Variants in DLG2 observed in about 807,000 individuals in gnomAD.
The protein encoded by DLG2 is discs large MAGUK scaffold protein 2, also known as disks large homolog 2.
In DLG2, 45 loss-of-function variants were observed where a neutral mutation model predicts 132.5. The ratio of observed to expected loss-of-function variants is 0.34; its 90% confidence interval spans 0.27 to 0.44. The LOEUF is 0.44. Among genes scored for constraint, DLG2 ranks in the 20% least tolerant of loss-of-function variants. The pLI is 1.00. For missense variants in DLG2, 1,045 were observed against 1,196.9 expected (o/e 0.87, Z 1.87); for synonymous variants, 424 against 419.6 (o/e 1.01, Z -0.13).
chr11:85,112,186 G>A (rs1330912621), intron 5 of DLG2, among the ~76,000 whole-genome samples: 1 of 152,076 alleles, frequency 6.6e-6, no homozygotes, highest in Non-Finnish European at 1.5e-5. Context: ...GTGTTTCATA[G>A]AACTCCAGAA....
chr11:83,652,059 T>C, intron 18 of DLG2: 1 of 303,550 alleles, frequency 3.3e-6, no homozygotes, highest in Non-Finnish European at 6.7e-6. Context: ...TTATGCTCTT[T>C]TCTCAGTATA....
intron 4 of DLG2, among the ~76,000 whole-genome samples, chr11:85,275,163 A>G (rs962169000): frequency 2.0e-5 from 3 of 152,214 alleles, no homozygotes; most frequent in Non-Finnish European, 4.4e-5. Context: ...CCTCAGCCCA[A>G]CAGAACTATC....
chr11:83,760,038 A>G (rs1249439977), intron 18 of DLG2, among the ~76,000 whole-genome samples: 1 of 152,194 alleles, frequency 6.6e-6, no homozygotes, highest in Non-Finnish European at 1.5e-5. Flanking sequence ...CTTTCCCTCC[A>G]TGGGTGGCCT....
At chr11:84,699,642 A>G (rs953234128) in intron 6 of DLG2, among the ~76,000 whole-genome samples, 1 of 151,540 alleles carries the variant, frequency 6.6e-6, no homozygotes, top group East Asian at 1.9e-4. Flanking sequence ...AAAGTACTCA[A>G]AAAACTTGCT....
At chr11:83,773,879 T>C (rs371034274) in intron 18 of DLG2, among the ~76,000 whole-genome samples, 2 of 152,056 alleles carry the variant, frequency 1.3e-5, no homozygotes, top group Non-Finnish European at 2.9e-5. Flanking sequence ...ACTGGAAAAA[T>C]AACTGAGCTT....
At chr11:83,595,239 G>A (rs1181270320) in intron 19 of DLG2, among the ~76,000 whole-genome samples, 1 of 152,150 alleles carries the variant, frequency 6.6e-6, no homozygotes, top group Non-Finnish European at 1.5e-5. Context: ...CTGCACTGGG[G>A]TTTCAACTAT....
At chr11:83,869,320 C>G (rs1565420031) in intron 16 of DLG2, among the ~76,000 whole-genome samples, 1 of 152,046 alleles carries the variant, frequency 6.6e-6, no homozygotes, top group Admixed American at 6.6e-5. Context: ...AAAAGCTTTT[C>G]CCACCCAGGC....
rs142619125 is a variant in DLG2, at chr11:83,803,160, T to C, written c.1723-16368A>G. ...TCAAACATTGCATTAATCCATTCAA[T>C]ACATATTTACTGAATGCCTTCTTTG... is the stretch of plus-strand genomic sequence containing the variant. On this transcript the variant is annotated intron_variant, in intron 17 of 27. Coordinates refer to ENST00000376104, the MANE Select transcript of DLG2 (RefSeq NM_001142699.3). 8.9e-3 allele frequency among the ~76,000 whole-genome samples: 1,357 copies of C among 152,264 alleles called. 9 individuals are homozygous for C. The highest frequency in any genetic ancestry group is 0.013 in the Non-Finnish European group (896 of 68,008).
chr11:84,987,573 A>G (rs1270463900), intron 6 of DLG2, among the ~76,000 whole-genome samples: 1 of 152,210 alleles, frequency 6.6e-6, no homozygotes, highest in Admixed American at 6.5e-5. Flanking sequence ...AAATAGGCAC[A>G]TAGACGAATG....
intron 7 of DLG2, among the ~76,000 whole-genome samples, chr11:84,298,351 A>G (rs564191952): frequency 6.6e-6 from 1 of 152,246 alleles, no homozygotes; most frequent in Non-Finnish European, 1.5e-5. Flanking sequence ...TTGGCCTCAA[A>G]TCTCCCTGGA....
At chr11:83,562,411 G>A (rs921910148) in intron 19 of DLG2, among the ~76,000 whole-genome samples, 1 of 152,074 alleles carries the variant, frequency 6.6e-6, no homozygotes, top group Non-Finnish European at 1.5e-5. Flanking sequence ...GATGCCCTGG[G>A]TGGGGGGGTA....
chr11:84,650,498 G>A (rs1348455748), intron 6 of DLG2, among the ~76,000 whole-genome samples: 3 of 152,106 alleles, frequency 2.0e-5, no homozygotes, highest in Admixed American at 6.6e-5. Flanking sequence ...GAGCCAACTG[G>A]AGTAGTCATA....
intron 6 of DLG2, among the ~76,000 whole-genome samples, chr11:84,764,024 G>T (rs770284576): frequency 2.8e-4 from 43 of 152,060 alleles, no homozygotes; most frequent in Admixed American, 2.5e-3. Flanking sequence ...AATTAGTACA[G>T]AGTCTACCTA....
intron 3 of DLG2, among the ~76,000 whole-genome samples, chr11:85,552,617 A>G (rs2076728752): frequency 6.6e-6 from 1 of 151,608 alleles, no homozygotes; most frequent in South Asian, 2.1e-4. Flanking sequence ...AATAAATAGA[A>G]CTTCTAAAAA....
chr11:84,573,097 C>T (rs2099489722), intron 6 of DLG2, among the ~76,000 whole-genome samples: 1 of 152,062 alleles, frequency 6.6e-6, no homozygotes, highest in South Asian at 2.1e-4. Flanking sequence ...GTTAATAAGC[C>T]ACTGGATTTT....
chr11:84,762,768 A>T (rs2067818596), intron 6 of DLG2, among the ~76,000 whole-genome samples: 1 of 152,174 alleles, frequency 6.6e-6, no homozygotes, highest in African/African-American at 2.4e-5. Flanking sequence ...GATACAAGAC[A>T]GAGATGAGGA....
intron 6 of DLG2, among the ~76,000 whole-genome samples, chr11:84,984,794 C>T (rs1388367808): frequency 1.3e-5 from 2 of 152,124 alleles, no homozygotes; most frequent in Non-Finnish European, 2.9e-5. Flanking sequence ...TGGAAAAAGA[C>T]ATTCCATGCA....
At chr11:84,084,756 T>C (rs1425422579) in intron 10 of DLG2, among the ~76,000 whole-genome samples, 1 of 152,214 alleles carries the variant, frequency 6.6e-6, no homozygotes, top group Non-Finnish European at 1.5e-5. Flanking sequence ...ATAATGATTG[T>C]ACATTTTCTG....
At chr11:85,269,077 C>G (rs1460901017) in intron 4 of DLG2, among the ~76,000 whole-genome samples, 1 of 152,194 alleles carries the variant, frequency 6.6e-6, no homozygotes, top group African/African-American at 2.4e-5. Context: ...GCTAAAATAT[C>G]CCAGGAATGT....
Sources: allele counts gnomAD v4.1 joint callset (sites outside exome capture counted in the v4.1 genomes callset), GRCh38; gene constraint gnomAD v4.1.1; transcripts MANE v1.5; gene names NCBI Gene and HGNC (gene_info 2026-07-23, HGNC 2026-07-21).